Variants in RBFOX3 observed in about 807,000 individuals in gnomAD.
RBFOX3 encodes RNA binding protein fox-1 homolog 3.
A neutral mutation model predicts 48.7 loss-of-function variants in RBFOX3; 17 were observed. The ratio of observed to expected loss-of-function variants is 0.35; its 90% CI spans 0.24 to 0.52. The LOEUF (loss-of-function observed/expected upper bound fraction) is 0.52, where lower values mean the gene tolerates loss of function less well. Among genes scored for constraint, RBFOX3 ranks in the 20% least tolerant of loss-of-function variants. The pLI is 0.94. For missense variants in RBFOX3, 382 were observed against 497.5 expected (o/e 0.77, Z 2.21); for synonymous variants, 212 against 209.5 (o/e 1.01, Z -0.10).
rs1419833635 is a variant in RBFOX3, at chr17:79,364,318, G to T, written c.-174-56494C>A. ...TGTTGTTCCTGGCATGCTGTTTTAGGACAGTCCTGAACTGGACTTGCAGTC... is the reference window on the plus strand; with the variant it reads ...TGTTGTTCCTGGCATGCTGTTTTAGTACAGTCCTGAACTGGACTTGCAGTC... On this transcript the variant is annotated intron_variant, in intron 2 of 14. Transcript: ENST00000693108. The surrounding 1 kb of genome is among the most constrained non-coding windows in gnomAD (Gnocchi z 5.1). 2.6e-5 allele frequency among the ~76,000 whole-genome samples: 4 copies of T among 152,234 alleles called. No individual in the cohort carries two copies. The East Asian group carries it at 7.7e-4, about 29-fold the overall frequency.
At chr17:79,225,216 C>A (rs1388877116) in intron 4 of RBFOX3, among the ~76,000 whole-genome samples, 14 of 152,110 alleles carry the variant, frequency 9.2e-5, no homozygotes, top group African/African-American at 3.1e-4. Context: ...GGCTGTCTCC[C>A]AATCTCAAGC....
intron 4 of RBFOX3, among the ~76,000 whole-genome samples, chr17:79,145,226 C>T (rs7211029): frequency 0.24 from 37,015 of 152,120 alleles, 4,867 homozygotes; most frequent in Non-Finnish European, 0.31. Context: ...AGCCTGCGCA[C>T]GTCCTATCCG....
intron 1 of RBFOX3, among the ~76,000 whole-genome samples, chr17:79,525,088 C>G (rs1232971897): frequency 6.6e-6 from 1 of 152,218 alleles, no homozygotes; most frequent in African/African-American, 2.4e-5. Flanking sequence ...TGTCTCCCAA[C>G]CTTTCGGGGT....
chr17:79,607,668 C>T (rs923381923), intron 1 of RBFOX3, among the ~76,000 whole-genome samples: 1 of 152,208 alleles, frequency 6.6e-6, no homozygotes, highest in African/African-American at 2.4e-5. Context: ...CCCCTGCCCT[C>T]AGCAGCAAGG....
At chr17:79,626,841 A>G in the RBFOX3 span, among the ~76,000 whole-genome samples, 1 of 152,224 alleles carries the variant, frequency 6.6e-6, no homozygotes, top group Admixed American at 6.5e-5. Context: ...CCCGGGGCTC[A>G]GCCACCTGCC....
chr17:79,201,014 C>T lies in RBFOX3; in HGVS notation c.-34+34752G>A, dbSNP rs137888992. 3.9e-4 allele frequency among the ~76,000 whole-genome samples: 59 copies of T among 152,168 alleles called. 1 individual carries two copies. In the East Asian group the frequency reaches 8.4e-3, roughly 22 times the overall value. On this transcript the variant is annotated intron_variant, in intron 4 of 14. Transcript: ENST00000693108. The stretch of plus-strand genomic sequence containing the variant: ...AGCTCCTTCCTCAGCCATTCCCACA[C>T]GTCTGTGTTCTCCCCACGACTCCTT...
the RBFOX3 span, among the ~76,000 whole-genome samples, chr17:79,630,870 C>A: frequency 6.6e-6 from 1 of 152,158 alleles, no homozygotes; most frequent in South Asian, 2.1e-4. Context: ...CTAAGTGACC[C>A]AGACCTGCAA....
At chr17:79,230,401 A>G (rs1038517545) in intron 4 of RBFOX3, among the ~76,000 whole-genome samples, 1 of 152,028 alleles carries the variant, frequency 6.6e-6, no homozygotes, top group African/African-American at 2.4e-5. Context: ...CTGGGACTAC[A>G]GTCACCCGCC....
chr17:79,333,058 G>C (rs1277414410), intron 2 of RBFOX3, among the ~76,000 whole-genome samples: 1 of 151,738 alleles, frequency 6.6e-6, no homozygotes, highest in African/African-American at 2.4e-5. Context: ...CAGAGACATA[G>C]AGAAAGGGGA....
chr17:79,215,395 C>G lies in RBFOX3; in HGVS notation c.-34+20371G>C, dbSNP rs558258954. ...CTCTGGAAAGCACCCTACTCATGCT[C>G]AGACGTGTGGCCCCTGCTCTGCCAT... On this transcript the variant is annotated intron_variant, in intron 4 of 14. Coordinates refer to ENST00000693108, the MANE Select transcript of RBFOX3 (RefSeq NM_001350451.2). Among the ~76,000 whole-genome samples the G allele has an allele frequency of 3.9e-5, 6 of 152,356 alleles. No individual in the cohort carries two copies. The South Asian group carries it at 1.2e-3, about 32-fold the overall frequency.
the RBFOX3 span, among the ~76,000 whole-genome samples, chr17:79,620,409 A>T: frequency 6.8e-6 from 1 of 147,462 alleles, no homozygotes; most frequent in Non-Finnish European, 1.5e-5. Context: ...ATGCACACAC[A>T]CGGACATGCA....
At chr17:79,393,425 G>C (rs1426908892) in intron 2 of RBFOX3, among the ~76,000 whole-genome samples, 1 of 152,268 alleles carries the variant, frequency 6.6e-6, no homozygotes, top group African/African-American at 2.4e-5. Context: ...AGCAGCCGCA[G>C]GGAAACGCTC....
chr17:79,215,323 G>A (rs900841446), intron 4 of RBFOX3, among the ~76,000 whole-genome samples: 9 of 152,220 alleles, frequency 5.9e-5, no homozygotes, highest in African/African-American at 1.7e-4. Flanking sequence ...CAACCAAAGA[G>A]TCACACTGGT....
chr17:79,384,903 A>ATTTT (rs1227562928), intron 2 of RBFOX3, among the ~76,000 whole-genome samples: 3 of 152,232 alleles, frequency 2.0e-5, no homozygotes, highest in Non-Finnish European at 2.9e-5. Context: ...AGACCTTCCA[A>ATTTT]ACTTCGGCAG....
chr17:79,544,619 C>T (rs1568399316), intron 1 of RBFOX3, among the ~76,000 whole-genome samples: 1 of 151,940 alleles, frequency 6.6e-6, no homozygotes, highest in Admixed American at 6.6e-5. Context: ...ATCCACCTGC[C>T]CCACCACACC....
intron 4 of RBFOX3, among the ~76,000 whole-genome samples, chr17:79,125,592 T>C (rs1409800793): frequency 6.6e-6 from 1 of 152,102 alleles, no homozygotes; most frequent in African/African-American, 2.4e-5. Context: ...TGGCCAATGG[T>C]CTGGCCGTGG....
intron 4 of RBFOX3, among the ~76,000 whole-genome samples, chr17:79,157,259 G>A (rs991346619): frequency 3.3e-5 from 5 of 152,146 alleles, no homozygotes; most frequent in Admixed American, 1.3e-4. Context: ...CTGGCCTGGC[G>A]TCCATCAGCA....
At chr17:79,261,806 G>A (rs562719521) in intron 3 of RBFOX3, among the ~76,000 whole-genome samples, 36 of 152,284 alleles carry the variant, frequency 2.4e-4, no homozygotes, top group African/African-American at 8.2e-4. Context: ...CACACAAGAG[G>A]CCCCCAGAGC....
intron 1 of RBFOX3, among the ~76,000 whole-genome samples, chr17:79,498,615 T>TATCC (rs1261520160): frequency 2.1e-5 from 2 of 93,568 alleles, no homozygotes; most frequent in South Asian, 7.6e-4. Context: ...TCCATGCATC[T>TATCC]ATCCATCCAT....
Sources: allele counts gnomAD v4.1 joint callset (sites outside exome capture counted in the v4.1 genomes callset), GRCh38; gene constraint gnomAD v4.1.1; non-coding constraint Gnocchi (gnomAD v3.1); transcripts MANE v1.5; gene names NCBI Gene and HGNC (gene_info 2026-07-23, HGNC 2026-07-21).